The following SAMD13 variants were observed in gnomAD, a reference collection of about 807,000 sequenced individuals.
The protein encoded by SAMD13 is sterile alpha motif domain containing 13, also known as sterile alpha motif domain-containing protein 13.
Under a neutral mutation model 12.4 loss-of-function variants are expected in SAMD13, and 9 were observed. The observed-to-expected ratio is 0.72, with a 90% CI of 0.44 to 1.26. SAMD13 has a LOEUF of 1.26. Ranked by LOEUF, SAMD13 falls within the 50% of genes most tolerant of loss-of-function variation. The pLI is 0.00. For missense variants in SAMD13, 84 were observed against 119.6 expected, an observed-to-expected ratio of 0.70 and a Z score of 1.39; for synonymous variants, 46 against 45.4, an observed-to-expected ratio of 1.01 and a Z score of -0.05.
intron 2 of SAMD13, among the ~76,000 whole-genome samples, chr1:84,325,189 A>G (rs1679030722): frequency 6.6e-6 from 1 of 152,180 alleles, no homozygotes; most frequent in Non-Finnish European, 1.5e-5. Flanking sequence ...GTTTTGTCCA[A>G]TAGAGACAGG....
chr1:84,298,579 G>C (rs375383889), upstream of SAMD13: 134 of 1,285,112 alleles, frequency 1.0e-4, no homozygotes, highest in South Asian at 1.7e-3. Context: ...TAAGTGATCT[G>C]CCTGTGCGCC....
At chr1:84,339,245 A>C (rs1374336305) in intron 3 of SAMD13, among the ~76,000 whole-genome samples, 1 of 151,500 alleles carries the variant, frequency 6.6e-6, no homozygotes, top group Admixed American at 6.6e-5. Context: ...GAGTTATTGC[A>C]CTAGGTTTTT....
intron 3 of SAMD13, among the ~76,000 whole-genome samples, chr1:84,331,223 C>T (rs957380266): frequency 8.1e-5 from 12 of 147,850 alleles, no homozygotes; most frequent in African/African-American, 2.8e-4. Context: ...ACGGCCAAAT[C>T]GAATTCACTT....
At chr1:84,307,895 A>G (rs113745886) in intron 2 of SAMD13, among the ~76,000 whole-genome samples, 2 of 152,140 alleles carry the variant, frequency 1.3e-5, no homozygotes, top group Non-Finnish European at 2.9e-5. Context: ...TCCAAGACTC[A>G]TTCCCTCTAA....
intron 2 of SAMD13, among the ~76,000 whole-genome samples, chr1:84,306,847 A>ATAG: frequency 6.7e-6 from 1 of 149,170 alleles, no homozygotes; most frequent in East Asian, 1.9e-4. Context: ...AATAATAATA[A>ATAG]TAATAATAAA....
intron 2 of SAMD13, among the ~76,000 whole-genome samples, chr1:84,313,422 C>A (rs2101794972): frequency 6.6e-6 from 1 of 152,084 alleles, no homozygotes; most frequent in Admixed American, 6.6e-5. Flanking sequence ...TTTTTTAAAT[C>A]CATGTATTTA....
chr1:84,303,889 T>A (rs537294570), intron 2 of SAMD13: 2 of 152,366 alleles, frequency 1.3e-5, no homozygotes, highest in African/African-American at 4.8e-5. Flanking sequence ...GAAAATTCAA[T>A]TGCACATGTA....
chr1:84,326,931 A>G (rs1679073401), intron 3 of SAMD13, among the ~76,000 whole-genome samples: 1 of 152,144 alleles, frequency 6.6e-6, no homozygotes, highest in African/African-American at 2.4e-5. Context: ...TAGCAGCTTA[A>G]ATTTCTTCAT....
chr1:84,336,822 G>A (rs964548165), intron 3 of SAMD13, among the ~76,000 whole-genome samples: 3 of 152,112 alleles, frequency 2.0e-5, no homozygotes, highest in East Asian at 1.9e-4. Flanking sequence ...CTACCTATGC[G>A]CCTGTAAAAT....
At chr1:84,306,663 AGAG>A (rs1260894091) in intron 2 of SAMD13, among the ~76,000 whole-genome samples, 24 of 100,740 alleles carry the variant, frequency 2.4e-4, no homozygotes, top group South Asian at 6.3e-4. Context: ...AAAAAAAAAA[AGAG>A]AGAGAGAGAG....
chr1:84,319,090 T>C (rs997082228), intron 2 of SAMD13, among the ~76,000 whole-genome samples: 1 of 152,218 alleles, frequency 6.6e-6, no homozygotes, highest in African/African-American at 2.4e-5. Flanking sequence ...ATATAGTTTC[T>C]TTCTTGCTAT....
chr1:84,329,979 G>C (rs1057462300), intron 3 of SAMD13, among the ~76,000 whole-genome samples: 6 of 152,284 alleles, frequency 3.9e-5, no homozygotes, highest in Middle Eastern at 6.8e-3. Flanking sequence ...GAGGCAGTGG[G>C]AGCCCTGGAG....
Position 84,344,078 on chromosome 1 carries a change from C to CT in SAMD13, c.166-5541dup, listed in dbSNP as rs113728574. Among the ~76,000 whole-genome samples, 973 of 141,070 alleles carry CT rather than the reference C, an allele frequency of 6.9e-3. 6 individuals are homozygous for CT. The highest frequency in any genetic ancestry group is 0.018 in the African/African-American group (691 of 38,898). The allele number at this position is 141,070 out of a possible 152,430, so 92.5% of individuals were successfully genotyped here. A position where few individuals can be genotyped will look rare whatever the true frequency, so the allele number is the denominator to read the frequency against. On this transcript the variant is annotated intron_variant, in intron 3 of 3. Transcript: ENST00000394834. ...AGGTTTTTGTTTTTTGTTTTTTTGG[C>CT]TTTTTTTTTTTTGTAATACAGACCC...
chr1:84,330,495 A>G (rs1050388212), intron 3 of SAMD13, among the ~76,000 whole-genome samples: 3 of 152,208 alleles, frequency 2.0e-5, no homozygotes, highest in African/African-American at 7.2e-5. Context: ...GTTCAAAAGC[A>G]TCCTTCCCTT....
At chr1:84,331,719 G>GA (rs1679190950) in intron 3 of SAMD13, among the ~76,000 whole-genome samples, 1 of 152,026 alleles carries the variant, frequency 6.6e-6, no homozygotes, top group Non-Finnish European at 1.5e-5. Context: ...AACTGATAAG[G>GA]AAAAAACTTG....
intron 3 of SAMD13, among the ~76,000 whole-genome samples, chr1:84,337,513 T>A (rs1421401480): frequency 6.6e-6 from 1 of 152,024 alleles, no homozygotes; most frequent in Non-Finnish European, 1.5e-5. Flanking sequence ...ATGGCTGGAG[T>A]GGCTGGGACA....
chr1:84,317,978 A>G (rs1250709040), intron 2 of SAMD13, among the ~76,000 whole-genome samples: 1 of 151,940 alleles, frequency 6.6e-6, no homozygotes, highest in Non-Finnish European at 1.5e-5. Context: ...ACCTGTAACT[A>G]TTTATGGTAG....
intron 2 of SAMD13, among the ~76,000 whole-genome samples, chr1:84,323,346 TA>T (rs1678985297): frequency 6.6e-6 from 1 of 152,164 alleles, no homozygotes; most frequent in South Asian, 2.1e-4. Context: ...AGTTAATATT[TA>T]GTAACATTAG....
chr1:84,318,942 A>G (rs1678887717), intron 2 of SAMD13, among the ~76,000 whole-genome samples: 1 of 152,240 alleles, frequency 6.6e-6, no homozygotes, highest in Non-Finnish European at 1.5e-5. Context: ...GTATAAAACT[A>G]TACAGTCAGT....
Sources: allele counts gnomAD v4.1 joint callset (sites outside exome capture counted in the v4.1 genomes callset), GRCh38; gene constraint gnomAD v4.1.1; transcripts MANE v1.5; gene names NCBI Gene and HGNC (gene_info 2026-07-23, HGNC 2026-07-21).